The following ROBO2 variants were observed in gnomAD, a reference collection of about 807,000 sequenced individuals.
ROBO2 encodes the protein roundabout homolog 2.
A neutral mutation model predicts 160.8 loss-of-function variants in ROBO2; 53 were observed. That is an observed-to-expected ratio of 0.33 (90% CI 0.26 to 0.41). The LOEUF is 0.41. Ranked by LOEUF, ROBO2 falls within the 10% of genes least tolerant of loss-of-function variation. ROBO2 has a pLI of 1.00. For synonymous variants in ROBO2, 664 were observed against 611.7 expected (o/e 1.09, Z -1.26); for missense variants, 1,577 against 1,722.4 (o/e 0.92, Z 1.49).
intron 2 of ROBO2, among the ~76,000 whole-genome samples, chr3:76,624,328 A>T (rs1164215066): frequency 3.3e-5 from 5 of 152,146 alleles, no homozygotes; most frequent in African/African-American, 1.2e-4. Context: ...CTTCCGGGTC[A>T]AAGTTATGTT....
rs149039395 is a variant in ROBO2, at chr3:76,541,742, A to G, written c.110-556272A>G. Among the ~76,000 whole-genome samples, 727 of 152,272 alleles carry G rather than the reference A, an allele frequency of 4.8e-3. 6 individuals are homozygous for G. The highest frequency in any genetic ancestry group is 0.017 in the African/African-American group (709 of 41,542). On this transcript the variant is annotated intron_variant, in intron 2 of 26. Coordinates refer to the ROBO2 transcript ENST00000487694. ...GTATTAAGAGGCTGACATTGTTTGG[A>G]CTAGAAACTAGGGGTTCTACCTCTT...
intron 2 of ROBO2, among the ~76,000 whole-genome samples, chr3:76,476,014 G>A (rs570680993): frequency 1.3e-5 from 2 of 152,222 alleles, no homozygotes; most frequent in South Asian, 4.1e-4. Context: ...TTAGCCAGGT[G>A]TGCTGGTGGT....
chr3:76,969,382 T>C (rs921083789), intron 2 of ROBO2, among the ~76,000 whole-genome samples: 2 of 152,142 alleles, frequency 1.3e-5, no homozygotes, highest in Non-Finnish European at 2.9e-5. Flanking sequence ...AGAAAGTCTT[T>C]GAGAGACTGA....
intron 5 of ROBO2, among the ~76,000 whole-genome samples, chr3:77,509,671 T>C (rs1288239477): frequency 6.6e-6 from 1 of 152,050 alleles, no homozygotes; most frequent in Non-Finnish European, 1.5e-5. Flanking sequence ...GTCCCCAGTG[T>C]CTCCATTGTG....
chr3:76,995,316 A>G (rs769541676), intron 2 of ROBO2, among the ~76,000 whole-genome samples: 1 of 152,106 alleles, frequency 6.6e-6, no homozygotes, highest in African/African-American at 2.4e-5. Flanking sequence ...TCCATGGTGT[A>G]TATGTGCCAC....
chr3:75,998,265 G>T (rs1056088890), intron 2 of ROBO2, among the ~76,000 whole-genome samples: 4 of 152,046 alleles, frequency 2.6e-5, no homozygotes, highest in Non-Finnish European at 4.4e-5. Context: ...AATGTGTTTT[G>T]TTAATTTGAA....
intron 2 of ROBO2, among the ~76,000 whole-genome samples, chr3:77,208,277 A>G (rs940667063): frequency 1.3e-5 from 2 of 152,206 alleles, no homozygotes; most frequent in African/African-American, 2.4e-5. Context: ...CATCTATAAA[A>G]CTACATTTTG....
intron 2 of ROBO2, chr3:76,434,626 G>A: frequency 6.9e-7 from 1 of 1,458,980 alleles, no homozygotes; most frequent in South Asian, 1.1e-5. Context: ...GAGCAAAACG[G>A]GGCTGTGGCA....
chr3:77,588,430 A>T (rs2094105979), intron 16 of ROBO2, among the ~76,000 whole-genome samples: 1 of 152,126 alleles, frequency 6.6e-6, no homozygotes, highest in Non-Finnish European at 1.5e-5. Flanking sequence ...AAAACACTTG[A>T]TGTAATTCAA....
At chr3:76,077,190 T>C (rs964007837) in intron 2 of ROBO2, among the ~76,000 whole-genome samples, 8 of 152,206 alleles carry the variant, frequency 5.3e-5, no homozygotes, top group African/African-American at 1.2e-4. Flanking sequence ...ACATTTCCCA[T>C]AATGTGTAGA....
chr3:76,811,685 A>T (rs2065166816), intron 2 of ROBO2, among the ~76,000 whole-genome samples: 2 of 152,102 alleles, frequency 1.3e-5, no homozygotes, highest in African/African-American at 4.8e-5. Flanking sequence ...GGATTGGGAG[A>T]CAGACTGCTG....
intron 2 of ROBO2, among the ~76,000 whole-genome samples, chr3:76,925,206 G>A (rs1178676902): frequency 2.6e-4 from 18 of 68,380 alleles, no homozygotes; most frequent in East Asian, 8.8e-4. Flanking sequence ...GCGAGACTCC[G>A]TCTCAAAAAA....
At chr3:77,148,474 G>A (rs1375652796) in intron 2 of ROBO2, among the ~76,000 whole-genome samples, 1 of 152,096 alleles carries the variant, frequency 6.6e-6, no homozygotes, top group Non-Finnish European at 1.5e-5. Context: ...AAAACTACTT[G>A]AACTTCTTAG....
chr3:77,497,807 C>A (rs1213616498), intron 5 of ROBO2, among the ~76,000 whole-genome samples: 10 of 151,852 alleles, frequency 6.6e-5, no homozygotes, highest in Non-Finnish European at 1.5e-4. Context: ...TGTATATTTT[C>A]GTTATATAAA....
At chr3:76,387,910 C>A (rs904423404) in intron 2 of ROBO2, among the ~76,000 whole-genome samples, 13 of 152,012 alleles carry the variant, frequency 8.6e-5, no homozygotes, top group African/African-American at 3.1e-4. Flanking sequence ...AGACAGAGGG[C>A]AGTTATATGA....
intron 2 of ROBO2, among the ~76,000 whole-genome samples, chr3:76,491,681 T>C (rs1228660663): frequency 1.3e-5 from 2 of 152,204 alleles, no homozygotes; most frequent in African/African-American, 4.8e-5. Context: ...TTCATTACAG[T>C]CAAACATTGC....
intron 2 of ROBO2, among the ~76,000 whole-genome samples, chr3:76,330,833 A>G (rs1343460162): frequency 6.6e-6 from 1 of 152,248 alleles, no homozygotes; most frequent in African/African-American, 2.4e-5. Context: ...GCTTCATGAC[A>G]TATTAAAGCA....
At chr3:76,318,445 A>C (rs550577246) in intron 2 of ROBO2, among the ~76,000 whole-genome samples, 1 of 152,130 alleles carries the variant, frequency 6.6e-6, no homozygotes, top group Non-Finnish European at 1.5e-5. Context: ...CCCGTTTCCA[A>C]ATTACACACA....
chr3:77,431,689 G>T lies in ROBO2; in HGVS notation c.389-45725G>T, dbSNP rs958370012. On this transcript the variant is annotated intron_variant, in intron 2 of 25. Transcript: ENST00000461745. ...AATGTGGGTTGAGTTAAGGAACAAA[G>T]AATCTATACTTGGCTCCCTAAAAGA... Among the ~76,000 whole-genome samples, 15 of 152,218 alleles carry T rather than the reference G, an allele frequency of 9.9e-5. 1 individual carries two copies. The highest frequency in any genetic ancestry group is 3.4e-4 in the African/African-American group (14 of 41,564).
Sources: gnomAD v4.1 joint callset for allele counts (sites outside exome capture counted in the v4.1 genomes callset) on GRCh38, gnomAD v4.1.1 for gene constraint, MANE v1.5 for transcripts, NCBI Gene and HGNC (gene_info 2026-07-23, HGNC 2026-07-21) for gene names.